The following CHDH variants were observed in gnomAD, a reference collection of about 807,000 sequenced individuals.
CHDH encodes the protein choline dehydrogenase.
In CHDH, 43 loss-of-function variants were observed where a neutral mutation model predicts 56.9. That is an observed-to-expected ratio of 0.76 (90% CI 0.59 to 0.97). The LOEUF (loss-of-function observed/expected upper bound fraction) is 0.97. Among genes scored for constraint, CHDH ranks in the 50% least tolerant of loss-of-function variants. The probability of loss-of-function intolerance (pLI) is 0.00; values close to 1 mark genes in which losing one functional copy is unlikely to be tolerated. For missense variants in CHDH, 816 were observed against 821.1 expected (o/e 0.99, Z 0.08); for synonymous variants, 364 against 348.5 (o/e 1.04, Z -0.50).
chr3:53,833,399 G>T (rs1698400049), intron 2 of CHDH, among the ~76,000 whole-genome samples: 2 of 152,204 alleles, frequency 1.3e-5, no homozygotes, highest in African/African-American at 4.8e-5. Flanking sequence ...TGAGGACAGG[G>T]ACTCCTAAGC....
At chr3:53,834,709 C>T (rs1298838399) in intron 2 of CHDH, among the ~76,000 whole-genome samples, 1 of 152,238 alleles carries the variant, frequency 6.6e-6, no homozygotes, top group East Asian at 1.9e-4. Context: ...ACTGAGGAAG[C>T]TTCCTGAAAG....
chr3:53,837,054 C>T (rs895428352), intron 2 of CHDH, among the ~76,000 whole-genome samples: 43 of 152,200 alleles, frequency 2.8e-4, no homozygotes, highest in African/African-American at 1.0e-3. Flanking sequence ...ATTAGCCAGG[C>T]ACGGTGGTGT....
chr3:53,816,913 AG>A lies in CHDH; in HGVS notation c.*863del, dbSNP rs1441948037. ...CAGGCTGGAGTGCAGTGGTGCCATC[AG>A]GGTTCACAGGAGCCTCAACCTCCTG... On this transcript the variant is annotated 3_prime_UTR_variant, in exon 9 of 9. Coordinates refer to ENST00000315251, the MANE Select transcript of CHDH (RefSeq NM_018397.5). 3.6e-5 allele frequency: 5 copies of A among 139,998 alleles called. No individual in the cohort carries two copies. Among genetic ancestry groups the A allele is most frequent in the African/African-American group, 1.4e-4 (5 of 36,440 alleles). The allele number at this position is 139,998 out of a possible 1,614,324, so 8.7% of individuals were successfully genotyped here.
chr3:53,829,761 C>A (rs569996060), intron 2 of CHDH, among the ~76,000 whole-genome samples: 1 of 152,282 alleles, frequency 6.6e-6, no homozygotes, highest in East Asian at 1.9e-4. Flanking sequence ...CACCTTGACT[C>A]CACTCCCTAA....
intron 5 of CHDH, 142 bp downstream of exon 5, chr3:53,821,505 C>T: frequency 4.1e-6 from 3 of 730,910 alleles, no homozygotes; most frequent in Non-Finnish European, 6.8e-6. Context: ...CCTGGGAAAC[C>T]TTCGGGCTCT....
chr3:53,821,232 C>T (rs1190501359), intron 5 of CHDH, among the ~76,000 whole-genome samples: 2 of 152,258 alleles, frequency 1.3e-5, no homozygotes, highest in African/African-American at 2.4e-5. Flanking sequence ...TACATCTTAA[C>T]ATGAAGAGCA....
At chr3:53,828,330 T>C (rs1185797488) in intron 2 of CHDH, among the ~76,000 whole-genome samples, 1 of 152,164 alleles carries the variant, frequency 6.6e-6, no homozygotes, top group Non-Finnish European at 1.5e-5. Context: ...CTAGATGACC[T>C]TGGGCTTGAC....
chr3:53,843,212 C>T (rs1160264866), intron 1 of CHDH, among the ~76,000 whole-genome samples: 2 of 108,856 alleles, frequency 1.8e-5, no homozygotes, highest in Admixed American at 1.1e-4. Flanking sequence ...TTTGGTTCTG[C>T]CTCTCCTGCC....
rs2095616875 is a variant in CHDH, at chr3:53,816,868, C to T, written c.*909G>A. 1 of 110,504 alleles carries T rather than the reference C, an allele frequency of 9.0e-6. No individual in the cohort carries two copies. Among genetic ancestry groups the T allele is most frequent in the African/African-American group, 3.7e-5 (1 of 27,054 alleles). 6.8% of individuals were successfully genotyped at this position (110,504 alleles called of 1,614,324 possible). ...TTTTTTTTTTTTTTTTTTTTTGAGA[C>T]AGGGTCTCACCCTGTCACCCAGGCT... On this transcript the variant is annotated 3_prime_UTR_variant, in exon 9 of 9. Coordinates refer to ENST00000315251, the MANE Select transcript of CHDH (RefSeq NM_018397.5).
In CHDH at chr3:53,819,366, C is replaced by T. The variant is rs1023213820; in HGVS notation, c.1263+166G>A. Among the ~76,000 whole-genome samples, 1 of 152,176 alleles carries T rather than the reference C, an allele frequency of 6.6e-6. No individual in the cohort carries two copies. Among genetic ancestry groups the T allele is most frequent in the Non-Finnish European group, 1.5e-5 (1 of 68,038 alleles). On this transcript the variant is annotated intron_variant, in intron 7 of 8. Transcript: ENST00000315251. This position sits in a 1 kb window ranked among gnomAD's most constrained non-coding sequence, Gnocchi z 5.4. The stretch of plus-strand genomic sequence containing the variant: ...ACAGTCATACCATTGGCATGCACCA[C>T]GCAGACTGACACGCTGGGCAGCTGG...
chr3:53,818,044 G>A lies in CHDH; in HGVS notation c.1518C>T (p.Ala506=), dbSNP rs1372368220. The part of the protein sequence containing the change: ...KEIDAFVRAK[A]DSAYHPSCTC... Reference sequence around the variant, plus strand: ...TGCACGAGGGGTGGTAGGCGCTGTCGGCTTTTGCCCGCACAAAGGCATCTA... The same window carrying A: ...TGCACGAGGGGTGGTAGGCGCTGTCAGCTTTTGCCCGCACAAAGGCATCTA... The change falls in exon 9 of 9, where the codon GCC becomes GCT. Residue 506 remains alanine, a synonymous_variant. Coordinates refer to ENST00000315251, the MANE Select transcript of CHDH (RefSeq NM_018397.5). The A allele has an allele frequency of 9.2e-5, 149 of 1,614,088 alleles. No homozygotes were observed. Among genetic ancestry groups the A allele is most frequent in the Non-Finnish European group, 1.2e-4 (146 of 1,180,052 alleles).
At position 53,846,236 on chromosome 3, in the gene CHDH, G is replaced by T. The variant is rs1156936803; in HGVS notation, c.-284C>A. 1 of 244,826 alleles carries T rather than the reference G, an allele frequency of 4.1e-6. No homozygotes were observed. The highest frequency in any genetic ancestry group is 8.2e-5 in the East Asian group (1 of 12,164). The allele number at this position is 244,826 out of a possible 1,614,324, so 15.2% of individuals were successfully genotyped here. ...AATGGGGACGCAGCAGTTCCGACCC[G>T]GTCGGCCCCGGAGCCGCGAGGCTAG... On this transcript the variant is annotated 5_prime_UTR_variant, in exon 1 of 9. Transcript: ENST00000315251.
At position 53,819,535 on chromosome 3, in the gene CHDH, G is replaced by A. The variant is rs939808475; in HGVS notation, c.1260C>T (p.Tyr420=). 1.9e-6 allele frequency: 3 copies of A among 1,607,832 alleles called. No homozygotes were observed. The highest frequency in any genetic ancestry group is 2.5e-6 in the Non-Finnish European group (3 of 1,176,956). Residue 420 remains tyrosine (Y), a synonymous_variant, in exon 7 of 9, where the codon TAC becomes TAT. Transcript: ENST00000315251. The surrounding 1 kb of genome is among the most constrained non-coding windows in gnomAD (Gnocchi z 5.4). The part of the protein sequence containing the change: ...HGRVPTQQEA[Y]QVHVGPMRGT... ...CGAGGCTCTTCCACCTGCTCACCTGGTAAGCCTCCTGCTGGGTGGGGACCC... is the reference window on the plus strand; with the variant it reads ...CGAGGCTCTTCCACCTGCTCACCTGATAAGCCTCCTGCTGGGTGGGGACCC...
chr3:53,831,160 C>T (rs1698320377), intron 2 of CHDH, among the ~76,000 whole-genome samples: 1 of 152,198 alleles, frequency 6.6e-6, no homozygotes, highest in Admixed American at 6.5e-5. Context: ...TGGTGGTCGC[C>T]ATGGTGTGAG....
At chr3:53,821,966 G>A (rs1441262962) in intron 4 of CHDH, among the ~76,000 whole-genome samples, 190 bp from the exon 5 acceptor site, 4 of 152,150 alleles carry the variant, frequency 2.6e-5, no homozygotes, top group Admixed American at 2.0e-4. Context: ...CAACCAGCAG[G>A]TGCAACTACA....
intron 2 of CHDH, among the ~76,000 whole-genome samples, chr3:53,831,032 G>A (rs1224788186): frequency 2.0e-5 from 3 of 152,192 alleles, no homozygotes; most frequent in Non-Finnish European, 4.4e-5. Flanking sequence ...CCAGAGGGGA[G>A]CCCACTGCCC....
Position 53,815,960 on chromosome 3 carries a change from T to A in CHDH, c.*1817A>T, listed in dbSNP as rs1444655302. 6.6e-6 allele frequency: 1 copy of A among 152,182 alleles called. No individual in the cohort carries two copies. Among genetic ancestry groups the A allele is most frequent in the Non-Finnish European group, 1.5e-5 (1 of 68,036 alleles). The allele number at this position is 152,182 out of a possible 1,614,324, so 9.4% of individuals were successfully genotyped here. ...CCCTCCGTAGGAGAAATAAGTCTCT[T>A]GGCCGGTTTAGAATTTTCTTTCTTG... On this transcript the variant is annotated 3_prime_UTR_variant, in exon 9 of 9. Coordinates refer to ENST00000315251, the MANE Select transcript of CHDH (RefSeq NM_018397.5).
chr3:53,843,445 C>T (rs373094947), intron 1 of CHDH, among the ~76,000 whole-genome samples: 7 of 152,128 alleles, frequency 4.6e-5, no homozygotes, highest in South Asian at 4.2e-4. Flanking sequence ...GGCATCTCAC[C>T]GCGCTGTGGC....
rs2095640720 is a variant in CHDH at position 53,827,269 on chromosome 3, C to T, written c.-59-3202G>A. On this transcript the variant is annotated intron_variant, in intron 2 of 8. Coordinates refer to ENST00000315251, the MANE Select transcript of CHDH (RefSeq NM_018397.5). ...GGTTGTTTATAAGCGTGTGGCACCT[C>T]CCCTCCTCTCTCTCTTCCTACTGCT... is the stretch of plus-strand genomic sequence containing the variant. Among the ~76,000 whole-genome samples the T allele has an allele frequency of 2.0e-5, 3 of 152,266 alleles. No individual in the cohort carries two copies. In the South Asian group the frequency reaches 6.2e-4, roughly 32 times the overall value.
Sources: gnomAD v4.1 joint callset for allele counts (sites outside exome capture counted in the v4.1 genomes callset) on GRCh38, gnomAD v4.1.1 for gene constraint, Gnocchi (gnomAD v3.1) non-coding constraint, MANE v1.5 for transcripts, NCBI Gene and HGNC (gene_info 2026-07-23, HGNC 2026-07-21) for gene names.